SPOCK3: variants seen among roughly 807,000 people sequenced by gnomAD.
SPOCK3 encodes testican-3.
Under a neutral mutation model 56.6 loss-of-function variants are expected in SPOCK3, and 30 were observed. The observed-to-expected ratio is 0.53, with a 90% CI of 0.40 to 0.72. The LOEUF (loss-of-function observed/expected upper bound fraction) is 0.72, where lower values mean the gene tolerates loss of function less well. SPOCK3 is among the 30% of genes least tolerant of loss of function. The pLI is 0.00. For missense variants in SPOCK3, 527 were observed against 530.0 expected (o/e 0.99, Z 0.06); for synonymous variants, 196 against 183.3 (o/e 1.07, Z -0.56).
At chr4:167,079,300 T>G (rs965758081) in intron 2 of SPOCK3, among the ~76,000 whole-genome samples, 31 of 151,980 alleles carry the variant, frequency 2.0e-4, no homozygotes, top group Non-Finnish European at 1.2e-4. Flanking sequence ...CCCACAAAAT[T>G]GTTTTGTCAG....
At chr4:167,075,016 T>C (rs531694190) in intron 2 of SPOCK3, among the ~76,000 whole-genome samples, 3 of 152,048 alleles carry the variant, frequency 2.0e-5, no homozygotes, top group East Asian at 3.9e-4. Flanking sequence ...ATTTCCACTC[T>C]TAGTTATTTT....
At chr4:167,014,742 AACACACACATGCATACACACACTC>A (rs1170856495) in intron 3 of SPOCK3, among the ~76,000 whole-genome samples, 1 of 151,930 alleles carries the variant, frequency 6.6e-6, no homozygotes, top group Non-Finnish European at 1.5e-5. Context: ...CAAAATAGCT[AACACACACATGCATACACACACTC>A]ACACACACAC....
chr4:167,157,877 C>T (rs1451756962), intron 2 of SPOCK3, among the ~76,000 whole-genome samples: 1 of 151,896 alleles, frequency 6.6e-6, no homozygotes, highest in East Asian at 1.9e-4. Flanking sequence ...AATTCCACTT[C>T]ACTGAAAGTA....
intron 8 of SPOCK3, among the ~76,000 whole-genome samples, chr4:166,745,147 G>A (rs145580071): frequency 1.7e-3 from 259 of 152,186 alleles, no homozygotes; most frequent in Non-Finnish European, 2.9e-3. Context: ...ACACCACAAA[G>A]ACATTCCTCA....
At chr4:166,794,630 T>C (rs878856038) in intron 6 of SPOCK3, among the ~76,000 whole-genome samples, 1 of 149,918 alleles carries the variant, frequency 6.7e-6, no homozygotes, top group Non-Finnish European at 1.5e-5. Context: ...CTTTTTTTTT[T>C]CTTTCTTTCT....
intron 2 of SPOCK3, among the ~76,000 whole-genome samples, chr4:167,205,249 TTA>T (rs1212505115): frequency 3.6e-5 from 3 of 83,042 alleles, no homozygotes; most frequent in African/African-American, 5.0e-5. Context: ...ATATTATATA[TTA>T]TATATATTTT....
intron 4 of SPOCK3, among the ~76,000 whole-genome samples, chr4:166,926,079 G>T (rs1490768831): frequency 6.6e-6 from 1 of 152,102 alleles, no homozygotes; most frequent in Non-Finnish European, 1.5e-5. Flanking sequence ...AAAGCTTAGA[G>T]AAATTTTTAT....
intron 2 of SPOCK3, among the ~76,000 whole-genome samples, chr4:167,205,336 ATATATTATATATATAATATATATAT>A (rs1734033859): frequency 1.4e-4 from 6 of 44,086 alleles, no homozygotes; most frequent in African/African-American, 3.3e-4. Context: ...AATATATATT[ATATATTATATATATAATATATATAT>A]TATATATTTT....
intron 6 of SPOCK3, among the ~76,000 whole-genome samples, chr4:166,812,244 T>C (rs1016731773): frequency 6.6e-6 from 1 of 151,918 alleles, no homozygotes; most frequent in African/African-American, 2.4e-5. Flanking sequence ...TCCATAATGA[T>C]GATTTTCTAT....
At chr4:166,790,921 T>A (rs772058501) in intron 7 of SPOCK3, among the ~76,000 whole-genome samples, 2 of 152,176 alleles carry the variant, frequency 1.3e-5, no homozygotes, top group Non-Finnish European at 2.9e-5. Flanking sequence ...ACTCCAGACA[T>A]CTTTTCTTCA....
intron 6 of SPOCK3, among the ~76,000 whole-genome samples, chr4:166,862,711 T>C (rs961327057): frequency 6.6e-6 from 1 of 152,042 alleles, no homozygotes; most frequent in Non-Finnish European, 1.5e-5. Context: ...AGCAGATAAG[T>C]CAAGTAAAAA....
intron 2 of SPOCK3, among the ~76,000 whole-genome samples, chr4:167,111,233 A>G (rs1312278331): frequency 6.6e-6 from 1 of 152,130 alleles, no homozygotes; most frequent in Non-Finnish European, 1.5e-5. Context: ...TAACTGAAGC[A>G]AATACCAAAT....
At chr4:167,046,515 G>C (rs1283832649) in intron 3 of SPOCK3, among the ~76,000 whole-genome samples, 3 of 134,098 alleles carry the variant, frequency 2.2e-5, no homozygotes, top group African/African-American at 5.6e-5. Flanking sequence ...GAGTGCAGTG[G>C]TACAATCTCG....
At chr4:166,829,007 G>A (rs775781054) in intron 6 of SPOCK3, among the ~76,000 whole-genome samples, 1 of 151,928 alleles carries the variant, frequency 6.6e-6, no homozygotes, top group Non-Finnish European at 1.5e-5. Flanking sequence ...TTCTGTGTTT[G>A]CTTATGAGGA....
chr4:167,204,188 G>A (rs1733799538), intron 2 of SPOCK3, among the ~76,000 whole-genome samples: 1 of 151,956 alleles, frequency 6.6e-6, no homozygotes, highest in African/African-American at 2.4e-5. Flanking sequence ...CCAATGGCTG[G>A]AATATAGATG....
chr4:166,772,814 C>T (rs1233696194), intron 7 of SPOCK3, among the ~76,000 whole-genome samples: 2 of 152,034 alleles, frequency 1.3e-5, no homozygotes, highest in Admixed American at 1.3e-4. Flanking sequence ...GCTTTTGAGA[C>T]AGGGTCTTAC....
chr4:166,837,472 A>G (rs1209041688), intron 6 of SPOCK3, among the ~76,000 whole-genome samples: 1 of 152,086 alleles, frequency 6.6e-6, no homozygotes, highest in Non-Finnish European at 1.5e-5. Flanking sequence ...CCTGGCCTGT[A>G]TAGCTTTTTA....
intron 6 of SPOCK3, among the ~76,000 whole-genome samples, chr4:166,868,141 C>G (rs1732051872): frequency 6.6e-6 from 1 of 151,648 alleles, no homozygotes; most frequent in Admixed American, 6.6e-5. Context: ...ATTCTGGAAG[C>G]AAAATTTAAA....
chr4:166,890,479 TAAAC>T (rs1196290961), intron 5 of SPOCK3, among the ~76,000 whole-genome samples: 1 of 151,984 alleles, frequency 6.6e-6, no homozygotes, highest in African/African-American at 2.4e-5. Context: ...TGAATACTCT[TAAAC>T]AATCAAAAAT....
Sources: gnomAD v4.1 joint callset for allele counts (sites outside exome capture counted in the v4.1 genomes callset) on GRCh38, gnomAD v4.1.1 for gene constraint, MANE v1.5 for transcripts, NCBI Gene and HGNC (gene_info 2026-07-23, HGNC 2026-07-21) for gene names.